TRDN: variants seen among roughly 807,000 people sequenced by gnomAD.
The protein encoded by TRDN is triadin, also known as triadin in skeletal muscle.
A neutral mutation model predicts 149.7 loss-of-function variants in TRDN; 161 were observed. The ratio of observed to expected loss-of-function variants is 1.08; its 90% confidence interval spans 0.95 to 1.23. The LOEUF is 1.23. TRDN is among the 50% of genes most tolerant of loss of function. The probability of loss-of-function intolerance (pLI) is 0.00; values close to 1 mark genes in which losing one functional copy is unlikely to be tolerated. For synonymous variants in TRDN, 294 were observed against 250.5 expected (o/e 1.17, Z -1.64); for missense variants, 896 against 823.5 (o/e 1.09, Z -1.08).
chr6:123,410,327 C>T (rs1008772477), intron 12 of TRDN, among the ~76,000 whole-genome samples: 4 of 152,084 alleles, frequency 2.6e-5, no homozygotes, highest in African/African-American at 9.7e-5. Context: ...TAAAGTAAAA[C>T]AGAACACCAT....
At chr6:123,363,172 T>A (rs750302385) in intron 20 of TRDN, among the ~76,000 whole-genome samples, 5 of 152,170 alleles carry the variant, frequency 3.3e-5, no homozygotes, top group Non-Finnish European at 2.9e-5. Flanking sequence ...TTAGAACAAT[T>A]TTGTAATATC....
At chr6:123,315,614 G>C (rs1034473884) in intron 24 of TRDN, among the ~76,000 whole-genome samples, 2 of 151,714 alleles carry the variant, frequency 1.3e-5, no homozygotes, top group African/African-American at 4.8e-5. Context: ...CTTTTTTGTA[G>C]TATCACTTTC....
At chr6:123,337,334 T>C (rs1445700635) in intron 22 of TRDN, among the ~76,000 whole-genome samples, 1 of 152,078 alleles carries the variant, frequency 6.6e-6, no homozygotes, top group Non-Finnish European at 1.5e-5. Flanking sequence ...TATTCTTTAC[T>C]TCCCTTCTAT....
At chr6:123,557,523 C>T (rs1781736199) in intron 2 of TRDN, among the ~76,000 whole-genome samples, 1 of 152,100 alleles carries the variant, frequency 6.6e-6, no homozygotes, top group Non-Finnish European at 1.5e-5. Context: ...AATTTCAGTT[C>T]CTTTCCTTTT....
At position 123,388,512 on chromosome 6, in the gene TRDN, T is replaced by A. The variant is rs765785141; in HGVS notation, c.1135+10A>T. On this transcript the variant is annotated intron_variant, in intron 14 of 40. Transcript: ENST00000334268. ...ACAAAAGGCTCAGTGGGATTTTGCA[T>A]AAAACATACCTTCCTTCTTTTCATC... 9 of 1,585,592 alleles carry A rather than the reference T, an allele frequency of 5.7e-6. No homozygotes were observed. Among genetic ancestry groups the A allele is most frequent in the Non-Finnish European group, 7.7e-6 (9 of 1,163,628 alleles).
intron 12 of TRDN, among the ~76,000 whole-genome samples, chr6:123,404,631 A>T (rs1773120108): frequency 6.6e-6 from 1 of 151,714 alleles, no homozygotes; most frequent in Non-Finnish European, 1.5e-5. Context: ...TTAAATAGAG[A>T]TGGGGTTTCT....
chr6:123,557,081 A>AC (rs1269061275), intron 2 of TRDN, among the ~76,000 whole-genome samples: 2 of 149,118 alleles, frequency 1.3e-5, no homozygotes, highest in African/African-American at 5.0e-5. Flanking sequence ...CCAGAGAATA[A>AC]CCCCCCTTTG....
At chr6:123,411,359 C>A (rs1773435762) in intron 12 of TRDN, among the ~76,000 whole-genome samples, 1 of 151,964 alleles carries the variant, frequency 6.6e-6, no homozygotes, top group African/African-American at 2.4e-5. Flanking sequence ...TAACTACTTT[C>A]TAAGGAAGAT....
At chr6:123,570,136 G>A (rs1019229077) in intron 2 of TRDN, among the ~76,000 whole-genome samples, 1 of 152,062 alleles carries the variant, frequency 6.6e-6, no homozygotes, top group African/African-American at 2.4e-5. Flanking sequence ...TTCTACTCCT[G>A]TTGGAGAAAG....
rs1778637514 is a variant in TRDN, at chr6:123,500,130, A to G, written c.794-2878T>C. Among the ~76,000 whole-genome samples the G allele has an allele frequency of 1.3e-5, 2 of 152,100 alleles. 1 individual carries two copies. Among genetic ancestry groups the G allele is most frequent in the South Asian group, 4.1e-4 (2 of 4,828 alleles). On this transcript the variant is annotated intron_variant, in intron 8 of 40. Coordinates refer to ENST00000334268, the MANE Select transcript of TRDN (RefSeq NM_006073.4). ...ATTGCAAAAAGGAAATTTCTTATGA[A>G]TTCAGAGGATGTTTTTTAACTTAGA...
intron 40 of TRDN, among the ~76,000 whole-genome samples, chr6:123,219,324 T>A (rs572159551): frequency 6.6e-6 from 1 of 151,884 alleles, no homozygotes; most frequent in African/African-American, 2.4e-5. Context: ...GGGAGTGTGG[T>A]GCAAGTAAGG....
chr6:123,334,507 T>C (rs1372658677), intron 22 of TRDN, among the ~76,000 whole-genome samples: 1 of 151,994 alleles, frequency 6.6e-6, no homozygotes, highest in African/African-American at 2.4e-5. Context: ...TTATCAGGGA[T>C]AGGGTTGAAT....
At chr6:123,254,139 A>AT (rs987955226) in intron 37 of TRDN, among the ~76,000 whole-genome samples, 8 of 152,040 alleles carry the variant, frequency 5.3e-5, no homozygotes, top group African/African-American at 1.4e-4. Flanking sequence ...TAATTAATTT[A>AT]TTTTTTTCTC....
At chr6:123,241,049 A>T (rs1263879456) in intron 38 of TRDN, among the ~76,000 whole-genome samples, 1 of 151,878 alleles carries the variant, frequency 6.6e-6, no homozygotes, top group African/African-American at 2.4e-5. Flanking sequence ...GTTTAAGAAG[A>T]TTAGTTGTTT....
intron 33 of TRDN, among the ~76,000 whole-genome samples, chr6:123,261,546 TAAC>T (rs1243256133): frequency 1.3e-5 from 2 of 151,766 alleles, no homozygotes; most frequent in Non-Finnish European, 2.9e-5. Flanking sequence ...TTTCAAATAA[TAAC>T]ATTTCCAGAA....
Position 123,255,036 on chromosome 6 carries a change from CAT to C in TRDN, c.1951+43_1951+44del, listed in dbSNP as rs1776508650. ...ATTAATATTAAGCAACAACATAATTCATATGTTTTCATACAAACATAGTAGTT... is the reference window on the plus strand; with the variant it reads ...ATTAATATTAAGCAACAACATAATTCATGTTTTCATACAAACATAGTAGTT... On this transcript the variant is annotated intron_variant, in intron 37 of 40. Coordinates refer to ENST00000334268, the MANE Select transcript of TRDN (RefSeq NM_006073.4). 3 of 1,013,004 alleles carry C rather than the reference CAT, an allele frequency of 3.0e-6. No homozygotes were observed. In the East Asian group the frequency reaches 8.0e-5, roughly 27 times the overall value. 62.8% of individuals were successfully genotyped at this position (1,013,004 alleles called of 1,614,324 possible).
At chr6:123,264,995 G>A (rs1776890298) in intron 33 of TRDN, among the ~76,000 whole-genome samples, 1 of 152,002 alleles carries the variant, frequency 6.6e-6, no homozygotes, top group African/African-American at 2.4e-5. Context: ...AATGAAACCT[G>A]CAATACCCCC....
chr6:123,310,810 C>A (rs576011057), intron 24 of TRDN, among the ~76,000 whole-genome samples: 1 of 151,682 alleles, frequency 6.6e-6, no homozygotes, highest in South Asian at 2.1e-4. Flanking sequence ...GGAAAGTGAC[C>A]CATTTTGGAA....
intron 16 of TRDN, among the ~76,000 whole-genome samples, chr6:123,380,967 A>G (rs1781697190): frequency 6.6e-6 from 1 of 152,130 alleles, no homozygotes; most frequent in Non-Finnish European, 1.5e-5. Flanking sequence ...ATATCTACAG[A>G]TTACAAAAAG....
Sources: allele counts gnomAD v4.1 joint callset (sites outside exome capture counted in the v4.1 genomes callset), GRCh38; gene constraint gnomAD v4.1.1; transcripts MANE v1.5; gene names NCBI Gene and HGNC (gene_info 2026-07-23, HGNC 2026-07-21).